The following CBLN2 variants were observed in gnomAD, a reference collection of about 807,000 sequenced individuals.
The protein encoded by CBLN2 is cerebellin-2.
Under a neutral mutation model 15.0 loss-of-function variants are expected in CBLN2, and 7 were observed. The observed-to-expected ratio is 0.47, with a 90% CI of 0.27 to 0.88. CBLN2 has a LOEUF of 0.88. CBLN2 is among the 40% of genes least tolerant of loss of function. CBLN2 has a pLI of 0.14. For synonymous variants in CBLN2, 149 were observed against 135.2 expected (o/e 1.10, Z -0.71); for missense variants, 242 against 304.5 (o/e 0.79, Z 1.53).
chr18:72,541,653 C>A lies in CBLN2; in HGVS notation c.357+151G>T, dbSNP rs905635856. 124 of 604,216 alleles carry A rather than the reference C, an allele frequency of 2.1e-4. 1 individual carries two copies. The highest frequency in any genetic ancestry group is 7.1e-5 in the Non-Finnish European group (26 of 367,666). The allele number at this position is 604,216 out of a possible 1,614,324, so 37.4% of individuals were successfully genotyped here. ...AAAAGGGAAAGAGTAGGAGTGCGTT[C>A]TATGAAACGGGAGGAAAGAGACTAG... On this transcript the variant is annotated intron_variant, in intron 3 of 4. Coordinates refer to ENST00000269503, the MANE Select transcript of CBLN2 (RefSeq NM_182511.4).
intron 1 of CBLN2, among the ~76,000 whole-genome samples, chr18:72,626,498 G>A (rs1054284170): frequency 7.9e-5 from 12 of 151,892 alleles, no homozygotes; most frequent in Admixed American, 3.9e-4. Flanking sequence ...TCAGGAGTTC[G>A]AGACCAGCCT....
At chr18:72,620,968 A>G (rs893067053) in intron 1 of CBLN2, among the ~76,000 whole-genome samples, 1 of 152,240 alleles carries the variant, frequency 6.6e-6, no homozygotes, top group African/African-American at 2.4e-5. Context: ...AGGAAGTGCT[A>G]GAAAATTAGA....
intron 1 of CBLN2, among the ~76,000 whole-genome samples, chr18:72,582,768 T>G (rs1192961680): frequency 6.6e-6 from 1 of 152,204 alleles, no homozygotes; most frequent in Non-Finnish European, 1.5e-5. Flanking sequence ...CTGGGATTTG[T>G]GGATCATGCT....
chr18:72,599,053 G>A (rs1296260658), intron 1 of CBLN2, among the ~76,000 whole-genome samples: 1 of 152,160 alleles, frequency 6.6e-6, no homozygotes, highest in Non-Finnish European at 1.5e-5. Flanking sequence ...TTGTGAAGGT[G>A]TTTTTCCCTG....
chr18:72,615,158 A>T (rs1191478009), intron 1 of CBLN2, among the ~76,000 whole-genome samples: 2 of 133,830 alleles, frequency 1.5e-5, no homozygotes, highest in Non-Finnish European at 3.2e-5. Context: ...AAATATAGAA[A>T]ATATATATAA....
chr18:72,568,562 A>G (rs1313152755), intron 1 of CBLN2, among the ~76,000 whole-genome samples: 2 of 152,082 alleles, frequency 1.3e-5, no homozygotes, highest in Non-Finnish European at 2.9e-5. Context: ...CATAAACTAA[A>G]AAAACTAAAA....
chr18:72,592,873 G>A (rs1385420728), intron 1 of CBLN2, among the ~76,000 whole-genome samples: 1 of 152,080 alleles, frequency 6.6e-6, no homozygotes, highest in African/African-American at 2.4e-5. Context: ...CCACTACCGT[G>A]TTGTTTTGGT....
intron 1 of CBLN2, among the ~76,000 whole-genome samples, chr18:72,629,999 A>G (rs2069764127): frequency 6.6e-6 from 1 of 152,210 alleles, no homozygotes; most frequent in African/African-American, 2.4e-5. Flanking sequence ...TAGCAGCTAA[A>G]TTGTTATTGC....
intron 1 of CBLN2, among the ~76,000 whole-genome samples, chr18:72,628,558 G>T (rs1568136632): frequency 6.6e-6 from 1 of 152,194 alleles, no homozygotes; most frequent in African/African-American, 2.4e-5. Flanking sequence ...CAGTAATCAG[G>T]TAATGGATTT....
rs2069138879 is a variant in CBLN2, at chr18:72,544,045, C to T, written c.-280G>A. On this transcript the variant is annotated 5_prime_UTR_variant, in exon 1 of 5. Transcript: ENST00000269503. ...ATTAGACACCCTTAAAAGCACCGGT[C>T]GCTTCTCTTCTTTTAGATTCTTTCT... 1 of 152,130 alleles carries T rather than the reference C, an allele frequency of 6.6e-6. No homozygotes were observed. The highest frequency in any genetic ancestry group is 6.6e-5 in the Admixed American group (1 of 15,264). The allele number at this position is 152,130 out of a possible 1,614,324, so 9.4% of individuals were successfully genotyped here.
Position 72,543,515 on chromosome 18 carries a change from T to C in CBLN2, c.-196A>G, listed in dbSNP as rs968043493. ...AACATCCATGCTGGGCGAGCTCCGC[T>C]GTCCGCGAAGTTGCTCTGCTTAGAG... is the stretch of plus-strand genomic sequence containing the variant. On this transcript the variant is annotated 5_prime_UTR_variant, in exon 2 of 5. Coordinates refer to ENST00000269503, the MANE Select transcript of CBLN2 (RefSeq NM_182511.4). This position sits in a 1 kb window ranked among gnomAD's most constrained non-coding sequence, Gnocchi z 6.8. The C allele has an allele frequency of 7.5e-6, 3 of 398,428 alleles. No individual in the cohort carries two copies. The highest frequency in any genetic ancestry group is 4.4e-5 in the Admixed American group (1 of 22,720). 24.7% of individuals were successfully genotyped at this position (398,428 alleles called of 1,614,324 possible). A position where few individuals can be genotyped will look rare whatever the true frequency, so the allele number is the denominator to read the frequency against.
At chr18:72,617,776 G>A (rs1244332825) in intron 1 of CBLN2, among the ~76,000 whole-genome samples, 1 of 152,090 alleles carries the variant, frequency 6.6e-6, no homozygotes, top group African/African-American at 2.4e-5. Context: ...AGTCAATGTT[G>A]TGAAAACATA....
At chr18:72,601,032 T>A (rs143065814) in intron 1 of CBLN2, among the ~76,000 whole-genome samples, 53 of 152,316 alleles carry the variant, frequency 3.5e-4, no homozygotes, top group Non-Finnish European at 7.2e-4. Flanking sequence ...AAGTCACGTA[T>A]CTCGTGACCT....
chr18:72,547,796 A>G (rs1302110323), upstream of CBLN2, among the ~76,000 whole-genome samples: 2 of 152,260 alleles, frequency 1.3e-5, no homozygotes, highest in Non-Finnish European at 2.9e-5. Flanking sequence ...GTTCTCCCGT[A>G]GAAATAAAAT....
rs79173041 is a variant in CBLN2, at chr18:72,542,437, C to T, written c.-166-111G>A. 4.3e-3 allele frequency: 886 copies of T among 203,862 alleles called. 19 individuals are homozygous for T. Among genetic ancestry groups the T allele is most frequent in the East Asian group, 0.04 (279 of 7,010 alleles). The allele number at this position is 203,862 out of a possible 1,614,324, so 12.6% of individuals were successfully genotyped here. A position where few individuals can be genotyped will look rare whatever the true frequency, so the allele number is the denominator to read the frequency against. On this transcript the variant is annotated intron_variant, in intron 2 of 4. Transcript: ENST00000269503. ...GGGGGTTCTCCCCGAAGGCCACCCC[C>T]TTGGTCCCGCGCACAGCCAACCCGC...
At chr18:72,628,399 A>G (rs2144975888) in intron 1 of CBLN2, among the ~76,000 whole-genome samples, 1 of 152,306 alleles carries the variant, frequency 6.6e-6, no homozygotes, top group South Asian at 2.1e-4. Flanking sequence ...GAAGGACAAA[A>G]AAATTGACAG....
chr18:72,605,778 AC>A lies in CBLN2; in HGVS notation c.15+32546del, dbSNP rs1390541159. 5.3e-5 allele frequency among the ~76,000 whole-genome samples: 8 copies of A among 152,260 alleles called. No homozygotes were observed. The East Asian group carries it at 7.7e-4, about 15-fold the overall frequency. ...GAGTTACTACTAAGAAAATAAAAAA[AC>A]AAAGTCAACTTAAAGATGGGCCTCA... is the stretch of plus-strand genomic sequence containing the variant. On this transcript the variant is annotated intron_variant, in intron 1 of 2. Transcript: ENST00000581073.
chr18:72,578,444 T>C (rs973700902), intron 1 of CBLN2, among the ~76,000 whole-genome samples: 37 of 152,178 alleles, frequency 2.4e-4, no homozygotes, highest in African/African-American at 8.7e-4. Flanking sequence ...CTTGAAGTCA[T>C]TCCATAAGGA....
chr18:72,602,700 T>A (rs1418268208), intron 1 of CBLN2, among the ~76,000 whole-genome samples: 2 of 152,176 alleles, frequency 1.3e-5, no homozygotes, highest in African/African-American at 4.8e-5. Flanking sequence ...CTTGAGAGAA[T>A]GTAAGGGAAG....
Sources: gnomAD v4.1 joint callset for allele counts (sites outside exome capture counted in the v4.1 genomes callset) on GRCh38, gnomAD v4.1.1 for gene constraint, Gnocchi (gnomAD v3.1) non-coding constraint, MANE v1.5 for transcripts, NCBI Gene and HGNC (gene_info 2026-07-23, HGNC 2026-07-21) for gene names.